Variants in SH3BGR observed in about 807,000 individuals in gnomAD.
SH3BGR encodes SH3 domain binding glutamate rich protein, also known as SH3 domain-binding glutamic acid-rich protein.
A neutral mutation model predicts 24.5 loss-of-function variants in SH3BGR; 29 were observed. The ratio of observed to expected loss-of-function variants is 1.18; its 90% CI spans 0.88 to 1.61. The LOEUF (loss-of-function observed/expected upper bound fraction) is 1.61. Ranked by LOEUF, SH3BGR falls within the 40% of genes most tolerant of loss-of-function variation. The probability of loss-of-function intolerance (pLI) is 0.00; values close to 1 mark genes in which losing one functional copy is unlikely to be tolerated. For synonymous variants in SH3BGR, 55 were observed against 65.7 expected (o/e 0.84, Z 0.79); for missense variants, 162 against 205.8 (o/e 0.79, Z 1.30).
intron 4 of SH3BGR, among the ~76,000 whole-genome samples, chr21:39,502,286 T>C (rs963941513): frequency 2.0e-5 from 3 of 152,180 alleles, no homozygotes; most frequent in African/African-American, 7.2e-5. Context: ...AAGGGAGAGC[T>C]CTGTGTGTTT....
intron 2 of SH3BGR, among the ~76,000 whole-genome samples, chr21:39,465,739 C>A (rs2077830944): frequency 6.6e-6 from 1 of 152,046 alleles, no homozygotes; most frequent in African/African-American, 2.4e-5. Context: ...TACAGGTGTG[C>A]ACCACCACAC....
chr21:39,478,554 GTCATGT>G (rs1352950643), intron 3 of SH3BGR, among the ~76,000 whole-genome samples: 1 of 152,158 alleles, frequency 6.6e-6, no homozygotes, highest in East Asian at 1.9e-4. Context: ...AATTTGGAAG[GTCATGT>G]GCCTTGGCTC....
intron 6 of SH3BGR, among the ~76,000 whole-genome samples, chr21:39,512,307 G>C (rs1037957531): frequency 2.6e-5 from 4 of 152,052 alleles, no homozygotes; most frequent in African/African-American, 9.7e-5. Flanking sequence ...AATTATTGCT[G>C]CCACGGGTTT....
At chr21:39,505,515 C>T (rs1193109691) in intron 4 of SH3BGR, among the ~76,000 whole-genome samples, 1 of 152,144 alleles carries the variant, frequency 6.6e-6, no homozygotes, top group Non-Finnish European at 1.5e-5. Flanking sequence ...GTATTCCCAG[C>T]ACTTCGGGAG....
At chr21:39,465,522 A>G (rs772889010) in intron 2 of SH3BGR, among the ~76,000 whole-genome samples, 59 of 152,208 alleles carry the variant, frequency 3.9e-4, no homozygotes, top group Admixed American at 1.0e-3. Context: ...AGAGTGTATC[A>G]TATACGACTT....
chr21:39,455,193 T>C (rs925965474), intron 1 of SH3BGR, among the ~76,000 whole-genome samples: 3 of 152,238 alleles, frequency 2.0e-5, no homozygotes, highest in African/African-American at 7.2e-5. Context: ...GTCTAGTAGC[T>C]AACAGTGTCT....
chr21:39,499,463 AT>A (rs1569171752), intron 3 of SH3BGR, among the ~76,000 whole-genome samples: 3 of 151,998 alleles, frequency 2.0e-5, no homozygotes, highest in African/African-American at 7.3e-5. Context: ...TACCTTATCT[AT>A]CTTCTTAATT....
chr21:39,496,368 C>T (rs4818038), intron 3 of SH3BGR, among the ~76,000 whole-genome samples: 78,155 of 150,930 alleles, frequency 0.52, 20,655 homozygotes, highest in East Asian at 0.67. Flanking sequence ...GGTGCGGTGG[C>T]GGGCACCTGT....
At chr21:39,480,419 A>G (rs1169655177) in intron 3 of SH3BGR, among the ~76,000 whole-genome samples, 2 of 152,218 alleles carry the variant, frequency 1.3e-5, no homozygotes, top group East Asian at 1.9e-4. Context: ...TCATCTGAGC[A>G]TTTAATGCCA....
rs1274621859 is a variant in SH3BGR, at chr21:39,511,221, TATG to T, written c.436-458_436-456del. Among the ~76,000 whole-genome samples, 1 of 147,888 alleles carries T rather than the reference TATG, an allele frequency of 6.8e-6. No homozygotes were observed. ...TGGTGTGTGTGTGTGTGATGTGTGT[TATG>T]GTGTGTATGTTATGGTGTGGAGGGT... On this transcript the variant is annotated intron_variant, in intron 5 of 6. Coordinates refer to ENST00000333634, the MANE Select transcript of SH3BGR (RefSeq NM_007341.3). The surrounding 1 kb of genome is among the most constrained non-coding windows in gnomAD (Gnocchi z 4.2).
intron 2 of SH3BGR, among the ~76,000 whole-genome samples, chr21:39,474,717 C>G (rs886872347): frequency 6.6e-6 from 1 of 152,106 alleles, no homozygotes; most frequent in African/African-American, 2.4e-5. Flanking sequence ...CATCTGGGCC[C>G]TTAGAGATAC....
chr21:39,498,939 G>A (rs1049872671), intron 3 of SH3BGR, among the ~76,000 whole-genome samples: 1 of 152,212 alleles, frequency 6.6e-6, no homozygotes, highest in Non-Finnish European at 1.5e-5. Context: ...GTTCAGCATG[G>A]CTGGGGAAGC....
At chr21:39,457,179 T>A (rs1391399088) in intron 1 of SH3BGR, among the ~76,000 whole-genome samples, 2 of 146,066 alleles carry the variant, frequency 1.4e-5, no homozygotes, top group Non-Finnish European at 3.0e-5. Context: ...ATGTATATTA[T>A]GTAAGTTATA....
chr21:39,446,183 T>G (rs1430061224), intron 1 of SH3BGR: 1 of 135,752 alleles, frequency 7.4e-6, no homozygotes, highest in Non-Finnish European at 1.6e-5. Context: ...TTTTTTTTTT[T>G]GTAAAACAAA....
chr21:39,484,478 T>G (rs1166268960), intron 3 of SH3BGR, among the ~76,000 whole-genome samples: 1 of 152,224 alleles, frequency 6.6e-6, no homozygotes, highest in African/African-American at 2.4e-5. Context: ...TACGTATAAA[T>G]CTATTTCAGC....
intron 2 of SH3BGR, among the ~76,000 whole-genome samples, chr21:39,469,829 TATTTTTAGTAGA>T (rs1469413825): frequency 1.3e-5 from 2 of 151,948 alleles, no homozygotes; most frequent in Non-Finnish European, 2.9e-5. Context: ...TAATTTTTTG[TATTTTTAGTAGA>T]GACAGGGTGT....
At chr21:39,481,153 T>C (rs990726507) in intron 3 of SH3BGR, among the ~76,000 whole-genome samples, 1 of 152,184 alleles carries the variant, frequency 6.6e-6, no homozygotes, top group Non-Finnish European at 1.5e-5. Context: ...ACAACAATAG[T>C]AGTAGCAGTC....
At chr21:39,512,748 C>T (rs2078717885) in intron 6 of SH3BGR, among the ~76,000 whole-genome samples, 1 of 152,088 alleles carries the variant, frequency 6.6e-6, no homozygotes, top group South Asian at 2.1e-4. Flanking sequence ...GCCAAGATTG[C>T]ACCACTGCAC....
intron 5 of SH3BGR, among the ~76,000 whole-genome samples, chr21:39,510,908 A>AAT (rs1340963103): frequency 2.5e-4 from 5 of 20,280 alleles, no homozygotes; most frequent in African/African-American, 9.4e-4. Context: ...GATTCTTCTA[A>AAT]CTATATATAT....
Sources: gnomAD v4.1 joint callset for allele counts (sites outside exome capture counted in the v4.1 genomes callset) on GRCh38, gnomAD v4.1.1 for gene constraint, Gnocchi (gnomAD v3.1) non-coding constraint, MANE v1.5 for transcripts, NCBI Gene and HGNC (gene_info 2026-07-23, HGNC 2026-07-21) for gene names.